The following TRAPPC9 variants were observed in gnomAD, a reference collection of about 807,000 sequenced individuals.
TRAPPC9 encodes the protein IKK2 binding protein.
TRAPPC9 carries 83 observed loss-of-function variants against 124.0 expected under a neutral mutation model. The ratio of observed to expected loss-of-function variants is 0.67; its 90% CI spans 0.56 to 0.80. TRAPPC9 has a LOEUF of 0.80. Among genes scored for constraint, TRAPPC9 ranks in the 30% least tolerant of loss-of-function variants. The pLI, the probability that TRAPPC9 is intolerant of heterozygous loss-of-function variation, is 0.00. For missense variants in TRAPPC9, 1,302 were observed against 1,508.3 expected (o/e 0.86, Z 2.27); for synonymous variants, 638 against 617.5 (o/e 1.03, Z -0.49).
intron 21 of TRAPPC9, among the ~76,000 whole-genome samples, chr8:139,840,178 C>T (rs1826632895): frequency 6.6e-6 from 1 of 152,244 alleles, no homozygotes; most frequent in African/African-American, 2.4e-5. Context: ...CACGCCTCTC[C>T]TCAGAGAGGG....
intron 17 of TRAPPC9, among the ~76,000 whole-genome samples, chr8:140,128,659 A>C (rs1032794080): frequency 1.3e-5 from 2 of 152,194 alleles, no homozygotes; most frequent in African/African-American, 4.8e-5. Flanking sequence ...TCAGTGCTAC[A>C]CTTTTCAAGA....
intron 20 of TRAPPC9, among the ~76,000 whole-genome samples, chr8:139,894,564 G>T (rs188704196): frequency 1.3e-4 from 20 of 152,256 alleles, no homozygotes; most frequent in Admixed American, 3.9e-4. Context: ...CGGAGGGAGG[G>T]GGGGGCTGCT....
At chr8:140,152,518 G>A (rs539076379) in intron 17 of TRAPPC9, among the ~76,000 whole-genome samples, 4 of 151,326 alleles carry the variant, frequency 2.6e-5, no homozygotes, top group South Asian at 4.2e-4. Context: ...CTGCCACCAC[G>A]CCTGGCTAAT....
At chr8:140,020,667 C>G (rs1334683992) in intron 18 of TRAPPC9, among the ~76,000 whole-genome samples, 1 of 151,994 alleles carries the variant, frequency 6.6e-6, no homozygotes, top group Non-Finnish European at 1.5e-5. Flanking sequence ...GTAGGTGGAG[C>G]TGATTAAAAG....
intron 5 of TRAPPC9, among the ~76,000 whole-genome samples, chr8:140,423,356 C>T (rs2070289030): frequency 6.6e-6 from 1 of 152,064 alleles, no homozygotes; most frequent in African/African-American, 2.4e-5. Context: ...AGGAGAATCG[C>T]TTGAACCCAG....
chr8:140,002,804 C>G (rs998288164), intron 18 of TRAPPC9, among the ~76,000 whole-genome samples: 1 of 122,214 alleles, frequency 8.2e-6, no homozygotes, highest in African/African-American at 3.1e-5. Context: ...AGAGATAATC[C>G]ATTCAACAAA....
Position 140,381,007 on chromosome 8 carries a change from C to T in TRAPPC9, c.1135-9827G>A, listed in dbSNP as rs187671743. ...ATCACTTGAGGCGAGGAGTTCAATA[C>T]CAGCCTGGCCAACATTATGAAACCC... On this transcript the variant is annotated intron_variant, in intron 7 of 22. Transcript: ENST00000438773. Among the ~76,000 whole-genome samples, 82 of 151,958 alleles carry T rather than the reference C, an allele frequency of 5.4e-4. No homozygotes were observed. The East Asian group carries it at 0.015, about 28-fold the overall frequency.
At chr8:140,076,526 G>A (rs914685982) in intron 17 of TRAPPC9, among the ~76,000 whole-genome samples, 3 of 152,236 alleles carry the variant, frequency 2.0e-5, no homozygotes, top group Admixed American at 6.5e-5. Context: ...CAGGCCTCCC[G>A]AGCCAACGTG....
chr8:139,830,943 C>T (rs10094108), intron 21 of TRAPPC9, among the ~76,000 whole-genome samples: 1 of 152,184 alleles, frequency 6.6e-6, no homozygotes, highest in Admixed American at 6.5e-5. Context: ...CGGCAGCAAG[C>T]TCCATCGCTG....
intron 21 of TRAPPC9, among the ~76,000 whole-genome samples, chr8:139,768,079 A>G (rs1021395164): frequency 3.3e-5 from 5 of 152,210 alleles, no homozygotes; most frequent in Non-Finnish European, 1.5e-5. Flanking sequence ...GAGAAACTAA[A>G]AACTCCCTAT....
At chr8:140,089,537 T>C (rs1563752027) in intron 17 of TRAPPC9, among the ~76,000 whole-genome samples, 1 of 152,182 alleles carries the variant, frequency 6.6e-6, no homozygotes, top group African/African-American at 2.4e-5. Flanking sequence ...TTGGATACCA[T>C]CTTCATGAAA....
At chr8:140,138,369 A>G (rs2061336225) in intron 17 of TRAPPC9, among the ~76,000 whole-genome samples, 1 of 152,194 alleles carries the variant, frequency 6.6e-6, no homozygotes, top group African/African-American at 2.4e-5. Flanking sequence ...ACTATGTGTT[A>G]GGCACTGTGT....
chr8:140,018,401 G>A (rs1209415690), intron 18 of TRAPPC9, among the ~76,000 whole-genome samples: 3 of 140,420 alleles, frequency 2.1e-5, no homozygotes, highest in Admixed American at 8.0e-5. Flanking sequence ...TTGGCTCACT[G>A]CAAGCTCCAC....
At chr8:140,403,934 T>C (rs2069375245) in intron 6 of TRAPPC9, among the ~76,000 whole-genome samples, 1 of 152,130 alleles carries the variant, frequency 6.6e-6, no homozygotes, top group Non-Finnish European at 1.5e-5. Context: ...CTGGAATTAC[T>C]GGCGGGCGTG....
chr8:140,296,143 G>A (rs1303218158), intron 11 of TRAPPC9, among the ~76,000 whole-genome samples: 3 of 152,116 alleles, frequency 2.0e-5, no homozygotes, highest in Non-Finnish European at 2.9e-5. Context: ...TTGCAAATAG[G>A]GAATATAATA....
chr8:140,299,711 A>G (rs2065911805), intron 11 of TRAPPC9, among the ~76,000 whole-genome samples: 1 of 152,208 alleles, frequency 6.6e-6, no homozygotes, highest in Non-Finnish European at 1.5e-5. Context: ...TTGGCACTAC[A>G]GCCGGGCTTT....
At chr8:140,271,906 A>AGTG (rs1018588517) in intron 15 of TRAPPC9, among the ~76,000 whole-genome samples, 2 of 152,026 alleles carry the variant, frequency 1.3e-5, no homozygotes, top group Non-Finnish European at 2.9e-5. Flanking sequence ...CAATAGTGGC[A>AGTG]GTGGTGGTGG....
chr8:140,147,008 T>C (rs919064346), intron 17 of TRAPPC9, among the ~76,000 whole-genome samples: 1 of 152,222 alleles, frequency 6.6e-6, no homozygotes, highest in African/African-American at 2.4e-5. Flanking sequence ...CTATTCAAAC[T>C]ATTGGCTTGG....
At chr8:140,411,638 G>A (rs560623613) in intron 5 of TRAPPC9, among the ~76,000 whole-genome samples, 12 of 152,234 alleles carry the variant, frequency 7.9e-5, no homozygotes, top group South Asian at 4.1e-4. Flanking sequence ...CACCGTGCCC[G>A]GCCTGAACCT....
Sources: allele counts gnomAD v4.1 joint callset (sites outside exome capture counted in the v4.1 genomes callset), GRCh38; gene constraint gnomAD v4.1.1; transcripts MANE v1.5; gene names NCBI Gene and HGNC (gene_info 2026-07-23, HGNC 2026-07-21).